CFAP20DC: variants seen among roughly 807,000 people sequenced by gnomAD.
CFAP20DC encodes the protein protein CFAP20DC.
CFAP20DC carries 84 observed loss-of-function variants against 101.7 expected under a neutral mutation model. The ratio of observed to expected loss-of-function variants is 0.83; its 90% CI spans 0.69 to 0.99. The LOEUF (loss-of-function observed/expected upper bound fraction) is 0.99. CFAP20DC is among the 50% of genes least tolerant of loss of function. The probability of loss-of-function intolerance (pLI) is 0.00; values close to 1 mark genes in which losing one functional copy is unlikely to be tolerated. For synonymous variants in CFAP20DC, 359 were observed against 351.2 expected, an observed-to-expected ratio of 1.02 and a Z score of -0.25; for missense variants, 1,007 against 970.3, an observed-to-expected ratio of 1.04 and a Z score of -0.50.
At chr3:58,865,407 G>T (rs2079601860) in intron 11 of CFAP20DC, among the ~76,000 whole-genome samples, 1 of 152,172 alleles carries the variant, frequency 6.6e-6, no homozygotes, top group African/African-American at 2.4e-5. Context: ...GGTGATCAAT[G>T]TATACTTCCT....
intron 14 of CFAP20DC, among the ~76,000 whole-genome samples, chr3:58,829,084 C>A (rs570145127): frequency 6.6e-6 from 1 of 151,998 alleles, no homozygotes; most frequent in Admixed American, 6.5e-5. Flanking sequence ...GTAATCCCAG[C>A]ACTTTGGGAG....
intron 4 of CFAP20DC, among the ~76,000 whole-genome samples, chr3:58,958,133 C>T (rs922000860): frequency 6.6e-6 from 1 of 151,982 alleles, no homozygotes; most frequent in African/African-American, 2.4e-5. Context: ...CTATTATGCA[C>T]CCACAAATTT....
At chr3:58,947,938 T>A (rs963422198) in intron 4 of CFAP20DC, among the ~76,000 whole-genome samples, 1 of 152,168 alleles carries the variant, frequency 6.6e-6, no homozygotes, top group Non-Finnish European at 1.5e-5. Context: ...GGGTGGGAGA[T>A]GGGAGCACAT....
At chr3:58,947,502 G>T (rs1376866407) in intron 4 of CFAP20DC, among the ~76,000 whole-genome samples, 1 of 152,190 alleles carries the variant, frequency 6.6e-6, no homozygotes, top group Admixed American at 6.5e-5. Flanking sequence ...ATTGCTCGGA[G>T]AACTTACCCA....
intron 6 of CFAP20DC, among the ~76,000 whole-genome samples, chr3:58,893,888 T>C (rs570782350): frequency 4.9e-4 from 75 of 152,138 alleles, no homozygotes; most frequent in Non-Finnish European, 1.9e-4. Context: ...AATGGAGAAC[T>C]CAGAGTTCCA....
rs565175699 is a variant in CFAP20DC at position 58,858,835 on chromosome 3, A to G, written c.1593+4723T>C. 6.9e-4 allele frequency among the ~76,000 whole-genome samples: 105 copies of G among 152,338 alleles called. 2 individuals are homozygous for G. The highest frequency in any genetic ancestry group is 1.9e-3 in the South Asian group (9 of 4,826). Reference sequence around the variant, plus strand: ...CAGCACCTTTTAGTTGAACATCAGCACTAGCAAACAACAGAGCTAGTATAT... The same window carrying G: ...CAGCACCTTTTAGTTGAACATCAGCGCTAGCAAACAACAGAGCTAGTATAT... On this transcript the variant is annotated intron_variant, in intron 12 of 16. Coordinates refer to ENST00000482387, the MANE Select transcript of CFAP20DC (RefSeq NM_001394063.1).
In CFAP20DC at chr3:58,722,202, G is replaced by T. The variant is rs1559523465; in HGVS notation, c.198-4574C>A. ...CCGGGTCATCCCAGCCCAGGCACCA[G>T]GCATGTGAGAAGCCTCCCAGTGATT... is the stretch of plus-strand genomic sequence containing the variant. On this transcript the variant is annotated intron_variant, in intron 3 of 3. Transcript: ENST00000486145. This position sits in a 1 kb window ranked among gnomAD's most constrained non-coding sequence, Gnocchi z 4.5. Among the ~76,000 whole-genome samples the T allele has an allele frequency of 1.3e-5, 2 of 152,144 alleles. No homozygotes were observed. The highest frequency in any genetic ancestry group is 4.8e-5 in the African/African-American group (2 of 41,426).
At chr3:58,848,413 A>C (rs2108293892) in intron 13 of CFAP20DC, among the ~76,000 whole-genome samples, 1 of 152,268 alleles carries the variant, frequency 6.6e-6, no homozygotes, top group South Asian at 2.1e-4. Context: ...TGTACATGTC[A>C]TTTGTTATGC....
In CFAP20DC at chr3:58,717,543, C is replaced by T. The variant is rs1215801825; in HGVS notation, c.*45G>A. On this transcript the variant is annotated 3_prime_UTR_variant, in exon 4 of 4. Transcript: ENST00000486145. The surrounding 1 kb of genome is among the most constrained non-coding windows in gnomAD (Gnocchi z 4.1). ...CTCAAGGAAGAAGTGAGGACCCACA[C>T]TTCCAGGTTCTTGTCCTGATATCTT... The T allele has an allele frequency of 2.3e-6, 1 of 434,654 alleles. No homozygotes were observed. Among genetic ancestry groups the T allele is most frequent in the Non-Finnish European group, 4.6e-6 (1 of 219,754 alleles). The allele number at this position is 434,654 out of a possible 1,614,324, so 26.9% of individuals were successfully genotyped here. A position where few individuals can be genotyped will look rare whatever the true frequency, so the allele number is the denominator to read the frequency against.
chr3:58,981,393 C>A (rs866167906), intron 4 of CFAP20DC, among the ~76,000 whole-genome samples: 5 of 151,950 alleles, frequency 3.3e-5, no homozygotes, highest in Admixed American at 1.3e-4. Context: ...GAGCCCGCAT[C>A]GCCAAGTCAA....
intron 4 of CFAP20DC, among the ~76,000 whole-genome samples, chr3:58,941,393 T>C (rs979249980): frequency 3.4e-5 from 5 of 146,202 alleles, no homozygotes; most frequent in Non-Finnish European, 7.5e-5. Context: ...TTCTAGTATA[T>C]AGACATTCAA....
chr3:58,838,334 C>A (rs909464588), intron 13 of CFAP20DC, among the ~76,000 whole-genome samples: 1 of 152,094 alleles, frequency 6.6e-6, no homozygotes, highest in East Asian at 1.9e-4. Flanking sequence ...GGCACATGGA[C>A]CTAGGCATAA....
At chr3:58,941,515 C>T (rs2088581550) in intron 4 of CFAP20DC, among the ~76,000 whole-genome samples, 2 of 151,766 alleles carry the variant, frequency 1.3e-5, no homozygotes, top group South Asian at 4.2e-4. Flanking sequence ...AATCATGTCC[C>T]GGAGTGAATA....
At chr3:58,780,378 A>T (rs188470244) in intron 15 of CFAP20DC, among the ~76,000 whole-genome samples, 17 of 152,238 alleles carry the variant, frequency 1.1e-4, no homozygotes, top group Admixed American at 9.8e-4. Flanking sequence ...AAATAAAGGA[A>T]CAAAGGATAT....
At chr3:58,990,410 C>T (rs984813109) in intron 4 of CFAP20DC, among the ~76,000 whole-genome samples, 5 of 152,138 alleles carry the variant, frequency 3.3e-5, no homozygotes, top group Admixed American at 1.3e-4. Flanking sequence ...AGAGAAAAGA[C>T]ACTGCATCTA....
At chr3:58,890,597 G>C (rs1342501873) in intron 6 of CFAP20DC, among the ~76,000 whole-genome samples, 1 of 151,452 alleles carries the variant, frequency 6.6e-6, no homozygotes, top group Non-Finnish European at 1.5e-5. Context: ...GGACGGGGTG[G>C]CTGCCGGGCG....
chr3:58,842,284 G>C (rs917836583), intron 13 of CFAP20DC, among the ~76,000 whole-genome samples: 4 of 152,216 alleles, frequency 2.6e-5, no homozygotes, highest in Admixed American at 2.6e-4. Context: ...GTGCCAGACA[G>C]TGGGCGCAGG....
chr3:58,945,024 T>A (rs892964840), intron 4 of CFAP20DC, among the ~76,000 whole-genome samples: 18 of 152,218 alleles, frequency 1.2e-4, no homozygotes, highest in African/African-American at 4.3e-4. Flanking sequence ...TTATTGAACA[T>A]TCTCTATATG....
intron 4 of CFAP20DC, among the ~76,000 whole-genome samples, chr3:58,963,866 C>A (rs1020162251): frequency 2.0e-5 from 3 of 152,160 alleles, no homozygotes; most frequent in East Asian, 3.9e-4. Flanking sequence ...GTCAGACACA[C>A]CTCACTATAA....
Sources: gnomAD v4.1 joint callset for allele counts (sites outside exome capture counted in the v4.1 genomes callset) on GRCh38, gnomAD v4.1.1 for gene constraint, Gnocchi (gnomAD v3.1) non-coding constraint, MANE v1.5 for transcripts, NCBI Gene and HGNC (gene_info 2026-07-23, HGNC 2026-07-21) for gene names.